PDE8B: variants seen among roughly 807,000 people sequenced by gnomAD.
PDE8B encodes the protein phosphodiesterase 8B, also known as high affinity cAMP-specific and IBMX-insensitive 3',5'-cyclic phosphodiesterase 8B.
PDE8B carries 26 observed loss-of-function variants against 101.3 expected under a neutral mutation model. The ratio of observed to expected loss-of-function variants is 0.26; its 90% CI spans 0.19 to 0.36. The LOEUF (loss-of-function observed/expected upper bound fraction) is 0.36, where lower values mean the gene tolerates loss of function less well. Ranked by LOEUF, PDE8B falls within the 10% of genes least tolerant of loss-of-function variation. The pLI, the probability that PDE8B is intolerant of heterozygous loss-of-function variation, is 1.00. For missense variants in PDE8B, 810 were observed against 1,163.1 expected (o/e 0.70, Z 4.42); for synonymous variants, 424 against 429.3 (o/e 0.99, Z 0.15).
intron 10 of PDE8B, among the ~76,000 whole-genome samples, chr5:77,365,847 G>T (rs1414723219): frequency 2.0e-5 from 3 of 152,208 alleles, no homozygotes; most frequent in Non-Finnish European, 4.4e-5. Context: ...GAAGCCTGGT[G>T]CACAGGAGGT....
chr5:77,215,628 A>G (rs554717068), intron 1 of PDE8B, among the ~76,000 whole-genome samples: 1 of 152,344 alleles, frequency 6.6e-6, no homozygotes, highest in Admixed American at 6.5e-5. Flanking sequence ...TTCTACTGAA[A>G]TCCTGTTTTG....
At chr5:77,148,818 A>G in the PDE8B span, among the ~76,000 whole-genome samples, 1 of 152,162 alleles carries the variant, frequency 6.6e-6, no homozygotes, top group Non-Finnish European at 1.5e-5. Flanking sequence ...TTCTCAACCT[A>G]GAGCTTGTTT....
the PDE8B span, among the ~76,000 whole-genome samples, chr5:77,121,648 C>T: frequency 2.0e-5 from 3 of 152,060 alleles, no homozygotes; most frequent in Non-Finnish European, 4.4e-5. Flanking sequence ...GCTGGGACTA[C>T]AGGCGTGCGC....
intron 10 of PDE8B, among the ~76,000 whole-genome samples, chr5:77,361,025 G>A (rs576577044): frequency 6.6e-6 from 1 of 152,298 alleles, no homozygotes; most frequent in South Asian, 2.1e-4. Flanking sequence ...ATGCATTTAA[G>A]CAAATTTTAT....
intron 2 of PDE8B, among the ~76,000 whole-genome samples, chr5:77,313,897 A>G (rs1773231577): frequency 6.6e-6 from 1 of 152,146 alleles, no homozygotes. Context: ...CTTGTTTTGA[A>G]TACTTTTTAG....
At chr5:77,329,446 T>G (rs2150272040) in intron 4 of PDE8B, among the ~76,000 whole-genome samples, 1 of 152,286 alleles carries the variant, frequency 6.6e-6, no homozygotes, top group South Asian at 2.1e-4. Flanking sequence ...AACACATTTT[T>G]TTTCATATTC....
intron 1 of PDE8B, among the ~76,000 whole-genome samples, chr5:77,222,221 G>A (rs766288380): frequency 2.0e-4 from 30 of 152,164 alleles, no homozygotes; most frequent in Admixed American, 3.3e-4. Flanking sequence ...AAAAGGATTG[G>A]TACAACCTAG....
At chr5:77,199,172 T>C in the PDE8B span, among the ~76,000 whole-genome samples, 1 of 152,174 alleles carries the variant, frequency 6.6e-6, no homozygotes, top group African/African-American at 2.4e-5. Context: ...ATCTCTAACA[T>C]CATTGCTTTA....
the PDE8B span, among the ~76,000 whole-genome samples, chr5:77,193,776 A>C: frequency 0.025 from 3,781 of 152,270 alleles, 66 homozygotes; most frequent in Middle Eastern, 0.065. Flanking sequence ...CATCTCAGCA[A>C]TAAGGAGCTT....
the PDE8B span, among the ~76,000 whole-genome samples, chr5:77,180,789 T>G: frequency 2.0e-5 from 3 of 152,200 alleles, no homozygotes; most frequent in African/African-American, 7.2e-5. Context: ...CAGCAGGAGC[T>G]GGACCTGTTT....
intron 1 of PDE8B, among the ~76,000 whole-genome samples, chr5:77,262,347 C>T (rs1485056016): frequency 6.6e-6 from 1 of 152,198 alleles, no homozygotes; most frequent in Non-Finnish European, 1.5e-5. Flanking sequence ...GCTTTATCCA[C>T]AGTCTCCCTG....
At chr5:77,111,446 G>A in the PDE8B span, among the ~76,000 whole-genome samples, 1 of 152,282 alleles carries the variant, frequency 6.6e-6, no homozygotes, top group Non-Finnish European at 1.5e-5. Flanking sequence ...AAATGGAGGT[G>A]AGGTATTTTC....
chr5:77,404,721 G>A lies in PDE8B; in HGVS notation c.1212G>A (p.Glu404=), dbSNP rs1581518072. Residue 404 remains glutamate, a splice_region_variant and synonymous_variant, in exon 12 of 22, where the codon GAG becomes GAA. Transcript: ENST00000264917. ...CCCTTTCTAATCTGAAATCCTTAGA[G>A]CCTCATTCATTCAGATATAAGAACA... The part of the protein sequence containing the change: ...HRDSGDNSQT[E]PHSFRYKNRR... 3 of 1,573,292 alleles carry A rather than the reference G, an allele frequency of 1.9e-6. No individual in the cohort carries two copies. Among genetic ancestry groups the A allele is most frequent in the Non-Finnish European group, 2.6e-6 (3 of 1,142,918 alleles).
intron 1 of PDE8B, among the ~76,000 whole-genome samples, chr5:77,234,106 T>C (rs963256461): frequency 6.6e-6 from 1 of 152,190 alleles, no homozygotes; most frequent in Non-Finnish European, 1.5e-5. Context: ...CTGGCAGCCA[T>C]ACTGAAATCT....
At chr5:77,353,476 C>T in intron 10 of PDE8B, 70 bp downstream of exon 10, 1 of 867,762 alleles carries the variant, frequency 1.2e-6, no homozygotes, top group South Asian at 1.3e-5. Context: ...CTGCTTATCT[C>T]ACCACTGTTC....
chr5:77,400,313 C>CT, intron 11 of PDE8B, 23 bp downstream of exon 11: 1 of 1,466,914 alleles, frequency 6.8e-7, no homozygotes. Context: ...CAATTGAACT[C>CT]TAACATACTT....
chr5:77,141,048 T>C, the PDE8B span: 3 of 152,232 alleles, frequency 2.0e-5, no homozygotes, highest in African/African-American at 7.2e-5. Context: ...CTATATAATC[T>C]CAGTCCACTA....
At chr5:77,135,113 C>A in the PDE8B span, among the ~76,000 whole-genome samples, 2 of 152,196 alleles carry the variant, frequency 1.3e-5, no homozygotes, top group Admixed American at 1.3e-4. Context: ...TAATGAACAG[C>A]CTTTGCCTCA....
At chr5:77,390,244 G>A (rs1389556896) in intron 10 of PDE8B, among the ~76,000 whole-genome samples, 1 of 152,166 alleles carries the variant, frequency 6.6e-6, no homozygotes, top group Non-Finnish European at 1.5e-5. Context: ...AAAATCAGAT[G>A]TTTGTAAACA....
Sources: allele counts gnomAD v4.1 joint callset (sites outside exome capture counted in the v4.1 genomes callset), GRCh38; gene constraint gnomAD v4.1.1; transcripts MANE v1.5; gene names NCBI Gene and HGNC (gene_info 2026-07-23, HGNC 2026-07-21).